The following PTK2 variants were observed in gnomAD, a reference collection of about 807,000 sequenced individuals.
PTK2 encodes focal adhesion kinase 1.
A neutral mutation model predicts 150.1 loss-of-function variants in PTK2; 45 were observed. The observed-to-expected ratio is 0.30, with a 90% CI of 0.24 to 0.38. The LOEUF (loss-of-function observed/expected upper bound fraction) is 0.38, where lower values mean the gene tolerates loss of function less well. Ranked by LOEUF, PTK2 falls within the 10% of genes least tolerant of loss-of-function variation. The pLI is 1.00. For synonymous variants in PTK2, 432 were observed against 449.2 expected, an observed-to-expected ratio of 0.96 and a Z score of 0.48; for missense variants, 919 against 1,307.3, an observed-to-expected ratio of 0.70 and a Z score of 4.58.
At chr8:140,667,410 A>C (rs1168382554) in intron 30 of PTK2, among the ~76,000 whole-genome samples, 1 of 152,002 alleles carries the variant, frequency 6.6e-6, no homozygotes, top group Non-Finnish European at 1.5e-5. Flanking sequence ...CTTTAAAAGG[A>C]GCCATTGCTG....
At chr8:140,704,218 TAG>T (rs1231057019) in intron 24 of PTK2, among the ~76,000 whole-genome samples, 1 of 152,188 alleles carries the variant, frequency 6.6e-6, no homozygotes, top group African/African-American at 2.4e-5. Context: ...AGTAACCATG[TAG>T]AAGGATCACT....
intron 22 of PTK2, chr8:140,735,003 G>C: frequency 1.9e-6 from 1 of 539,486 alleles, no homozygotes; most frequent in Non-Finnish European, 3.3e-6. Flanking sequence ...GCCATGCTAA[G>C]TCAGAAGCTA....
chr8:140,740,109 C>T (rs375740031), intron 20 of PTK2, among the ~76,000 whole-genome samples: 4 of 152,156 alleles, frequency 2.6e-5, no homozygotes, highest in East Asian at 1.9e-4. Context: ...TTTCTTTGTG[C>T]CACAAAGGCA....
At chr8:140,839,223 T>A (rs12676612) in intron 7 of PTK2, among the ~76,000 whole-genome samples, 42,692 of 151,976 alleles carry the variant, frequency 0.28, 6,365 homozygotes, top group Admixed American at 0.39. Context: ...GTGGGGATGA[T>A]GAACCCGGCG....
intron 10 of PTK2, among the ~76,000 whole-genome samples, chr8:140,805,414 CT>C (rs1299321792): frequency 1.3e-5 from 2 of 151,924 alleles, no homozygotes; most frequent in African/African-American, 4.8e-5. Flanking sequence ...CAAAAATTAG[CT>C]GGGCATGGTG....
intron 14 of PTK2, among the ~76,000 whole-genome samples, chr8:140,773,903 G>A (rs781233780): frequency 5.3e-5 from 8 of 152,126 alleles, no homozygotes; most frequent in Non-Finnish European, 1.0e-4. Context: ...GCAGGATAGG[G>A]GTGAGGAGGG....
At chr8:140,984,091 G>A in intron 1 of PTK2, 1 of 157,778 alleles carries the variant, frequency 6.3e-6, no homozygotes. Flanking sequence ...GGAGGCAGAG[G>A]TTGCAGTCAG....
chr8:140,821,935 T>C (rs1028046222), intron 8 of PTK2: 1 of 152,126 alleles, frequency 6.6e-6, no homozygotes, highest in Admixed American at 6.5e-5. Flanking sequence ...TAAACAAAAG[T>C]CCGAAAAGCA....
intron 10 of PTK2, among the ~76,000 whole-genome samples, chr8:140,810,411 T>A (rs1330905322): frequency 2.0e-5 from 3 of 152,196 alleles, no homozygotes; most frequent in Non-Finnish European, 4.4e-5. Context: ...GGCTTCTGGC[T>A]TCTCCTGGGG....
At chr8:140,696,130 T>C (rs1462655252) in intron 26 of PTK2, among the ~76,000 whole-genome samples, 1 of 152,162 alleles carries the variant, frequency 6.6e-6, no homozygotes, top group Non-Finnish European at 1.5e-5. Context: ...GGCTGAGCCT[T>C]ATTACTGCTG....
At chr8:140,858,375 G>A (rs1207996457) in intron 5 of PTK2, among the ~76,000 whole-genome samples, 3 of 148,298 alleles carry the variant, frequency 2.0e-5, no homozygotes, top group African/African-American at 7.5e-5. Flanking sequence ...TGATGAAAAC[G>A]ACATGACCCC....
chr8:140,850,268 A>G (rs1208607073), intron 5 of PTK2, among the ~76,000 whole-genome samples: 1 of 151,948 alleles, frequency 6.6e-6, no homozygotes, highest in East Asian at 1.9e-4. Flanking sequence ...TCTACTAAAA[A>G]TACAAAAATT....
At chr8:140,714,966 G>A (rs887317605) in intron 23 of PTK2, among the ~76,000 whole-genome samples, 1 of 151,640 alleles carries the variant, frequency 6.6e-6, no homozygotes, top group African/African-American at 2.4e-5. Context: ...CATTTTAGAC[G>A]TGCTAAATAC....
chr8:140,935,079 T>C (rs72685780), intron 1 of PTK2, among the ~76,000 whole-genome samples: 28 of 152,280 alleles, frequency 1.8e-4, no homozygotes, highest in Non-Finnish European at 3.2e-4. Flanking sequence ...TAAATGTGTA[T>C]AGCTAATTAG....
At chr8:140,751,046 T>A (rs56208422) in intron 17 of PTK2, among the ~76,000 whole-genome samples, 39,651 of 151,236 alleles carry the variant, frequency 0.26, 5,806 homozygotes, top group Admixed American at 0.38. Context: ...GTCCAGGAGG[T>A]GACACAGCGA....
intron 10 of PTK2, among the ~76,000 whole-genome samples, chr8:140,814,477 T>C (rs1178688632): frequency 6.6e-6 from 1 of 152,226 alleles, no homozygotes. Context: ...GTAGGCTTTA[T>C]TCCTGGGATG....
chr8:140,726,615 G>A (rs754886161), intron 22 of PTK2, among the ~76,000 whole-genome samples: 1 of 150,902 alleles, frequency 6.6e-6, no homozygotes, highest in Admixed American at 6.6e-5. Flanking sequence ...AAGGTGCTGG[G>A]GAAAAAAAAA....
chr8:140,690,434 T>C (rs964742739), intron 26 of PTK2, among the ~76,000 whole-genome samples: 1 of 152,206 alleles, frequency 6.6e-6, no homozygotes, highest in Admixed American at 6.5e-5. Context: ...GTTAGAGCTA[T>C]AGTCTAAGAA....
chr8:140,734,852 T>C (rs953334604), intron 22 of PTK2: 5 of 474,764 alleles, frequency 1.1e-5, no homozygotes, highest in Non-Finnish European at 2.1e-5. Context: ...GAAGACAGCA[T>C]GTGAAAACGC....
Sources: allele counts gnomAD v4.1 joint callset (sites outside exome capture counted in the v4.1 genomes callset), GRCh38; gene constraint gnomAD v4.1.1; transcripts MANE v1.5; gene names NCBI Gene and HGNC (gene_info 2026-07-23, HGNC 2026-07-21).